Variants in ITGA2 observed in about 807,000 individuals in gnomAD.
ITGA2 encodes integrin subunit alpha 2.
Under a neutral mutation model 146.3 loss-of-function variants are expected in ITGA2, and 101 were observed. The observed-to-expected ratio is 0.69, with a 90% CI of 0.59 to 0.81. The LOEUF is 0.81. ITGA2 is among the 40% of genes least tolerant of loss of function. The probability of loss-of-function intolerance (pLI) is 0.00; values close to 1 mark genes in which losing one functional copy is unlikely to be tolerated. For missense variants in ITGA2, 1,281 were observed against 1,402.7 expected, an observed-to-expected ratio of 0.91 and a Z score of 1.39; for synonymous variants, 477 against 487.1, an observed-to-expected ratio of 0.98 and a Z score of 0.27.
chr5:52,994,522 G>A (rs1184491461), intron 1 of ITGA2, among the ~76,000 whole-genome samples: 2 of 152,200 alleles, frequency 1.3e-5, no homozygotes, highest in Non-Finnish European at 2.9e-5. Context: ...ATTCCTAAGA[G>A]AGATATTTGT....
At chr5:53,035,192 T>TA (rs941858127) in intron 2 of ITGA2, among the ~76,000 whole-genome samples, 1 of 152,240 alleles carries the variant, frequency 6.6e-6, no homozygotes. Context: ...GTGATGGTCT[T>TA]AAAATTATCC....
rs762117497 is a variant in ITGA2, at chr5:53,075,309, G to T, written c.2825+5G>T. The T allele has an allele frequency of 3.7e-6, 6 of 1,611,074 alleles. No homozygotes were observed. The highest frequency in any genetic ancestry group is 4.2e-6 in the Non-Finnish European group (5 of 1,178,226). On this transcript the variant is annotated splice_donor_5th_base_variant and intron_variant, in intron 23 of 29. Transcript: ENST00000296585. The stretch of plus-strand genomic sequence containing the variant: ...TGCTGAAATTCACTTAACAAGGTAG[G>T]TGAAGCAGTGGGTAACCTGCTATCA...
intron 2 of ITGA2, among the ~76,000 whole-genome samples, chr5:53,038,107 G>A (rs537361166): frequency 1.1e-4 from 16 of 152,062 alleles, no homozygotes; most frequent in Admixed American, 5.9e-4. Context: ...GAGGTGACAG[G>A]GAGAGTGTCC....
At chr5:53,086,845 C>A in intron 27 of ITGA2, 107 bp from the exon 28 acceptor site, 1 of 908,424 alleles carries the variant, frequency 1.1e-6, no homozygotes, top group Non-Finnish European at 1.8e-6. Context: ...GAACCATTTG[C>A]TCTTGTCACA....
At chr5:52,999,734 A>G (rs1482278910) in intron 1 of ITGA2, among the ~76,000 whole-genome samples, 1 of 152,198 alleles carries the variant, frequency 6.6e-6, no homozygotes, top group East Asian at 1.9e-4. Context: ...TGCTCACTGC[A>G]AAGACATCCC....
chr5:53,072,745 C>A, intron 19 of ITGA2, 50 bp downstream of exon 19: 1 of 1,367,274 alleles, frequency 7.3e-7, no homozygotes, highest in Non-Finnish European at 1.0e-6. Flanking sequence ...AAAAGACATA[C>A]TAGATTACTT....
Position 53,045,056 on chromosome 5 carries a change from G to C in ITGA2, c.351G>C (p.Leu117Phe). The C allele has an allele frequency of 6.2e-7, 1 of 1,613,944 alleles. No homozygotes were observed. Among genetic ancestry groups the C allele is most frequent in the Non-Finnish European group, 8.5e-7 (1 of 1,179,858 alleles). The change falls in exon 4 of 30, where the codon TTG (leucine) becomes TTC (phenylalanine). Residue 117 changes from leucine (L) to phenylalanine (F), a missense_variant. Coordinates refer to ENST00000296585, the MANE Select transcript of ITGA2 (RefSeq NM_002203.4). ...TGAAAACCAACATGAGCCTCGGCTT[G>C]ATCCTCACCAGGAACATGGGAACTG... ...TEMKTNMSLG[L>F]ILTRNMGTGG...
At chr5:53,089,524 A>G (rs112722993) in intron 28 of ITGA2, 33 of 184,058 alleles carry the variant, frequency 1.8e-4, no homozygotes, top group South Asian at 1.2e-3. Context: ...TAGACACCCA[A>G]TACAAAGCTG....
rs2303124 is a variant in ITGA2 at position 53,083,126 on chromosome 5, G to A, written c.3145-214G>A. Among the ~76,000 whole-genome samples the A allele has an allele frequency of 0.21, 31,281 of 151,994 alleles. 3,865 individuals are homozygous for A. Among genetic ancestry groups the A allele is most frequent in the South Asian group, 0.28 (1,335 of 4,806 alleles). ...CTATCTATACAGACAGGAAATGGAT[G>A]GGGTAAAGAGTGTGCACTTGGTACA... On this transcript the variant is annotated intron_variant, in intron 26 of 29. Transcript: ENST00000296585.
chr5:53,004,907 T>G (rs975714133), intron 1 of ITGA2, among the ~76,000 whole-genome samples: 128 of 32,476 alleles, frequency 3.9e-3, no homozygotes, highest in Non-Finnish European at 0.011. Flanking sequence ...TTTTTTTTTT[T>G]TTTTTTTTTT....
chr5:53,068,158 T>G (rs1668583015), intron 16 of ITGA2, among the ~76,000 whole-genome samples: 1 of 151,920 alleles, frequency 6.6e-6, no homozygotes, highest in Admixed American at 6.6e-5. Context: ...AAGCAGGTTA[T>G]TTGCCATAAT....
intron 28 of ITGA2, 31 bp from the exon 29 acceptor site, chr5:53,089,915 A>C (rs1170276390): frequency 7.5e-7 from 1 of 1,337,704 alleles, no homozygotes. Context: ...TGTGGTATTA[A>C]AATAACTCAA....
At position 53,093,515 on chromosome 5, in the gene ITGA2, C is replaced by G. The variant is rs978045504; in HGVS notation, c.*2916C>G. 1.3e-5 allele frequency: 2 copies of G among 152,094 alleles called. No individual in the cohort carries two copies. Among genetic ancestry groups the G allele is most frequent in the Admixed American group, 6.6e-5 (1 of 15,260 alleles). 9.4% of individuals were successfully genotyped at this position (152,094 alleles called of 1,614,324 possible). A position where few individuals can be genotyped will look rare whatever the true frequency, so the allele number is the denominator to read the frequency against. On this transcript the variant is annotated 3_prime_UTR_variant, in exon 30 of 30. Transcript: ENST00000296585. ...AGCAGCATTCCTGGCCTCTAGCTAC[C>G]CGATGCCAGAGCATGCTCCCCCCGC... is the stretch of plus-strand genomic sequence containing the variant.
At chr5:53,043,510 TA>T (rs1743908764) in intron 3 of ITGA2, among the ~76,000 whole-genome samples, 1 of 152,214 alleles carries the variant, frequency 6.6e-6, no homozygotes, top group Admixed American at 6.6e-5. Context: ...ACCTAGAGGA[TA>T]AATCCACCAG....
chr5:53,064,846 C>A, intron 13 of ITGA2, 66 bp from the exon 14 acceptor site: 1 of 1,493,360 alleles, frequency 6.7e-7, no homozygotes, highest in Non-Finnish European at 9.3e-7. Context: ...CACCCAGCTG[C>A]TCTGAATTTT....
rs573542044 is a variant in ITGA2, at chr5:53,038,587, C to A, written c.186-3525C>A. Among the ~76,000 whole-genome samples, 3 of 152,278 alleles carry A rather than the reference C, an allele frequency of 2.0e-5. No individual in the cohort carries two copies. In the East Asian group the frequency reaches 5.8e-4, roughly 29 times the overall value. On this transcript the variant is annotated intron_variant, in intron 2 of 29. Transcript: ENST00000296585. ...GTCTGGTTTCTAATCCATGCTAGTTCTAGAACCCACCTCATCTGCTAAGAT... is the reference window on the plus strand; with the variant it reads ...GTCTGGTTTCTAATCCATGCTAGTTATAGAACCCACCTCATCTGCTAAGAT...
intron 23 of ITGA2, among the ~76,000 whole-genome samples, chr5:53,078,159 A>G (rs1745745615): frequency 6.6e-6 from 1 of 152,128 alleles, no homozygotes; most frequent in Admixed American, 6.6e-5. Flanking sequence ...CTTTAGGTCC[A>G]GAATACTAAA....
chr5:53,016,213 G>A (rs1367865860), intron 1 of ITGA2, among the ~76,000 whole-genome samples: 3 of 152,152 alleles, frequency 2.0e-5, no homozygotes, highest in Admixed American at 1.3e-4. Flanking sequence ...TTTTGTGGTA[G>A]CTGCTAACAG....
chr5:53,032,886 G>T (rs1180471572), intron 2 of ITGA2, among the ~76,000 whole-genome samples: 2 of 152,084 alleles, frequency 1.3e-5, no homozygotes, highest in African/African-American at 4.8e-5. Context: ...GGGTGACTTT[G>T]GGAAAGTCAC....
Sources: gnomAD v4.1 joint callset for allele counts (sites outside exome capture counted in the v4.1 genomes callset) on GRCh38, gnomAD v4.1.1 for gene constraint, MANE v1.5 for transcripts, NCBI Gene and HGNC (gene_info 2026-07-23, HGNC 2026-07-21) for gene names.